ZBTB16: variants seen among roughly 807,000 people sequenced by gnomAD.
ZBTB16 encodes the protein zinc finger and BTB domain containing 16, also known as zinc finger and BTB domain-containing protein 16.
ZBTB16 carries 8 observed loss-of-function variants against 56.8 expected under a neutral mutation model. That is an observed-to-expected ratio of 0.14 (90% CI 0.08 to 0.25). ZBTB16 has a LOEUF of 0.25. ZBTB16 is among the 10% of genes least tolerant of loss of function. The pLI, the probability that ZBTB16 is intolerant of heterozygous loss-of-function variation, is 1.00. For missense variants in ZBTB16, 625 were observed against 903.0 expected (o/e 0.69, Z 3.95); for synonymous variants, 363 against 368.5 (o/e 0.98, Z 0.17).
At chr11:114,137,761 CA>C (rs1169852631) in intron 2 of ZBTB16, among the ~76,000 whole-genome samples, 2 of 152,134 alleles carry the variant, frequency 1.3e-5, no homozygotes, top group Admixed American at 6.5e-5. Flanking sequence ...CTGGAGAAAA[CA>C]GTGTAGCAAG....
At chr11:114,080,873 C>T (rs1939733398) in intron 2 of ZBTB16, among the ~76,000 whole-genome samples, 1 of 152,228 alleles carries the variant, frequency 6.6e-6, no homozygotes, top group African/African-American at 2.4e-5. Flanking sequence ...CATTCCTCCT[C>T]TTGCCACCTG....
At chr11:114,181,453 C>T (rs1283267505) in intron 3 of ZBTB16, among the ~76,000 whole-genome samples, 2 of 152,228 alleles carry the variant, frequency 1.3e-5, no homozygotes, top group Admixed American at 6.5e-5. Context: ...GAGTTCTTAA[C>T]CACACTGCAC....
chr11:114,071,047 T>C (rs1939328810), intron 2 of ZBTB16, among the ~76,000 whole-genome samples: 1 of 152,202 alleles, frequency 6.6e-6, no homozygotes, highest in Non-Finnish European at 1.5e-5. Flanking sequence ...CCTTAACTTC[T>C]TCATTTTTAA....
rs1944064335 is a variant in ZBTB16, at chr11:114,214,840, GT to G, written c.1454-27321del. 5.3e-5 allele frequency among the ~76,000 whole-genome samples: 8 copies of G among 152,270 alleles called. No individual in the cohort carries two copies. In the South Asian group the frequency reaches 1.5e-3, roughly 28 times the overall value. On this transcript the variant is annotated intron_variant, in intron 4 of 6. Coordinates refer to ENST00000335953, the MANE Select transcript of ZBTB16 (RefSeq NM_006006.6). ...CCTGTGGTGGTTTGTTTGTTTGTTT[GT>G]TTTTTCTTGATTTTGAAATTATTTT...
chr11:114,213,237 T>C (rs1944031235), intron 4 of ZBTB16, among the ~76,000 whole-genome samples: 1 of 152,130 alleles, frequency 6.6e-6, no homozygotes, highest in Admixed American at 6.5e-5. Context: ...TTCCAACTCA[T>C]TGAACCAAGG....
intron 3 of ZBTB16, among the ~76,000 whole-genome samples, chr11:114,172,741 G>T (rs139825707): frequency 3.3e-5 from 5 of 152,310 alleles, no homozygotes; most frequent in Admixed American, 6.5e-5. Context: ...AAACTCGCAG[G>T]TCTTCTAATT....
chr11:114,169,827 A>G (rs1370575937), intron 3 of ZBTB16, among the ~76,000 whole-genome samples: 2 of 152,278 alleles, frequency 1.3e-5, no homozygotes, highest in African/African-American at 4.8e-5. Flanking sequence ...TGGGATTTTG[A>G]TGAGGTCTTT....
At chr11:114,148,081 A>G (rs756672311) in intron 2 of ZBTB16, among the ~76,000 whole-genome samples, 3 of 152,246 alleles carry the variant, frequency 2.0e-5, no homozygotes, top group Non-Finnish European at 2.9e-5. Context: ...GGTTCTCCAC[A>G]GCCACGAAGA....
chr11:114,223,828 GAGA>G (rs1944283148), intron 4 of ZBTB16, among the ~76,000 whole-genome samples: 1 of 152,310 alleles, frequency 6.6e-6, no homozygotes, highest in South Asian at 2.1e-4. Flanking sequence ...TCTGAAGGAT[GAGA>G]AGAAGTTAAG....
intron 2 of ZBTB16, among the ~76,000 whole-genome samples, chr11:114,088,709 C>A (rs1046286204): frequency 3.9e-5 from 6 of 152,226 alleles, no homozygotes; most frequent in African/African-American, 1.4e-4. Flanking sequence ...ACTACCCAGG[C>A]AGTACTGGTG....
intron 2 of ZBTB16, among the ~76,000 whole-genome samples, chr11:114,088,776 T>G (rs1940063152): frequency 6.6e-6 from 1 of 152,258 alleles, no homozygotes; most frequent in South Asian, 2.1e-4. Context: ...GAGTCATCTT[T>G]GCTCTGAAGT....
chr11:114,064,712 C>A lies in ZBTB16; in HGVS notation c.1268+144C>A. 8.6e-7 allele frequency: 1 copy of A among 1,163,762 alleles called. No homozygotes were observed. The highest frequency in any genetic ancestry group is 1.2e-6 in the Non-Finnish European group (1 of 814,992). 72.1% of individuals were successfully genotyped at this position (1,163,762 alleles called of 1,614,324 possible). ...AAACCAGAACACTTCTTCTAAAGTTCTGGCGGGGAGGGGAGCAGGTTTTTT... is the reference window on the plus strand; with the variant it reads ...AAACCAGAACACTTCTTCTAAAGTTATGGCGGGGAGGGGAGCAGGTTTTTT... On this transcript the variant is annotated intron_variant, in intron 2 of 6. Coordinates refer to ENST00000335953, the MANE Select transcript of ZBTB16 (RefSeq NM_006006.6). This position sits in a 1 kb window ranked among gnomAD's most constrained non-coding sequence, Gnocchi z 4.2.
chr11:114,217,876 G>A (rs1208186707), intron 4 of ZBTB16, among the ~76,000 whole-genome samples: 1 of 152,212 alleles, frequency 6.6e-6, no homozygotes, highest in African/African-American at 2.4e-5. Flanking sequence ...GGGACCTCAG[G>A]TGCAGAGGGC....
chr11:114,138,937 C>T (rs1477396018), intron 2 of ZBTB16, among the ~76,000 whole-genome samples: 6 of 152,070 alleles, frequency 3.9e-5, no homozygotes, highest in Admixed American at 2.6e-4. Flanking sequence ...GTGATCCACC[C>T]GCTTCTGCCT....
At chr11:114,067,176 G>A (rs1939150211) in intron 2 of ZBTB16, among the ~76,000 whole-genome samples, 1 of 152,172 alleles carries the variant, frequency 6.6e-6, no homozygotes, top group African/African-American at 2.4e-5. Context: ...CACCGCAGCG[G>A]TGGAGAACTG....
intron 2 of ZBTB16, among the ~76,000 whole-genome samples, chr11:114,119,995 T>C (rs238899): frequency 0.51 from 78,065 of 151,988 alleles, 20,448 homozygotes; most frequent in East Asian, 0.63. Flanking sequence ...AGGGATTTCT[T>C]GGAGAAAGAT....
At position 114,195,831 on chromosome 11, in the gene ZBTB16, G is replaced by A. The variant is rs1296720023; in HGVS notation, c.1453+8793G>A. On this transcript the variant is annotated intron_variant, in intron 4 of 6. Coordinates refer to ENST00000335953, the MANE Select transcript of ZBTB16 (RefSeq NM_006006.6). The stretch of plus-strand genomic sequence containing the variant: ...GATTTCCCCCACTGGATAGGTTGAC[G>A]GGGCCAAGTCAGTGAGGATGGTGTT... Among the ~76,000 whole-genome samples the A allele has an allele frequency of 5.3e-5, 8 of 152,142 alleles. No individual in the cohort carries two copies. The East Asian group carries it at 1.2e-3, about 22-fold the overall frequency.
rs1435934519 is a variant in ZBTB16, at chr11:114,256,154, A to G, written c.*5599A>G. On this transcript the variant is annotated 3_prime_UTR_variant, in exon 7 of 7. Coordinates refer to ENST00000335953, the MANE Select transcript of ZBTB16 (RefSeq NM_006006.6). ...TTAGACTTATCTATGTGTCACTTTT[A>G]TGCCACATTTACAAGGCACAGATGC... Among the ~76,000 whole-genome samples, 4 of 151,984 alleles carry G rather than the reference A, an allele frequency of 2.6e-5. No individual in the cohort carries two copies. The highest frequency in any genetic ancestry group is 7.2e-5 in the African/African-American group (3 of 41,478).
At chr11:114,199,425 G>T (rs1022037271) in intron 4 of ZBTB16, among the ~76,000 whole-genome samples, 30 of 152,360 alleles carry the variant, frequency 2.0e-4, no homozygotes, top group Admixed American at 5.9e-4. Flanking sequence ...CTGGGCCCCG[G>T]GATGGGGATG....
Sources: gnomAD v4.1 joint callset for allele counts (sites outside exome capture counted in the v4.1 genomes callset) on GRCh38, gnomAD v4.1.1 for gene constraint, Gnocchi (gnomAD v3.1) non-coding constraint, MANE v1.5 for transcripts, NCBI Gene and HGNC (gene_info 2026-07-23, HGNC 2026-07-21) for gene names.